Variants in HCRTR2 observed in about 807,000 individuals in gnomAD.
The protein encoded by HCRTR2 is orexin receptor type 2.
A neutral mutation model predicts 49.0 loss-of-function variants in HCRTR2; 22 were observed. The observed-to-expected ratio is 0.45, with a 90% CI of 0.32 to 0.64. The LOEUF (loss-of-function observed/expected upper bound fraction) is 0.64, where lower values mean the gene tolerates loss of function less well. Among genes scored for constraint, HCRTR2 ranks in the 30% least tolerant of loss-of-function variants. HCRTR2 has a pLI of 0.04. For missense variants in HCRTR2, 491 were observed against 559.4 expected (o/e 0.88, Z 1.23); for synonymous variants, 236 against 205.3 (o/e 1.15, Z -1.28).
intron 1 of HCRTR2, among the ~76,000 whole-genome samples, chr6:55,112,606 A>G (rs1417690418): frequency 3.7e-4 from 56 of 151,724 alleles, no homozygotes; most frequent in Admixed American, 3.6e-3. Flanking sequence ...AAATACTTCT[A>G]CAAGGAAAAC....
At chr6:55,213,909 G>GT (rs1349722000) in intron 1 of HCRTR2, among the ~76,000 whole-genome samples, 2 of 151,178 alleles carry the variant, frequency 1.3e-5, no homozygotes, top group African/African-American at 2.4e-5. Flanking sequence ...AACTCTCAAG[G>GT]TTTTTTTCCT....
intron 1 of HCRTR2, among the ~76,000 whole-genome samples, chr6:55,197,191 C>T (rs1288941070): frequency 2.0e-5 from 3 of 152,144 alleles, no homozygotes; most frequent in Non-Finnish European, 4.4e-5. Context: ...AAGCCTAACT[C>T]TAATCCTATC....
At chr6:55,127,758 T>C (rs1053089867) in intron 1 of HCRTR2, among the ~76,000 whole-genome samples, 3 of 152,160 alleles carry the variant, frequency 2.0e-5, no homozygotes, top group Non-Finnish European at 2.9e-5. Flanking sequence ...TTTCAAGGCA[T>C]GTCATATGCT....
At chr6:55,123,061 A>G (rs4560650) in intron 1 of HCRTR2, among the ~76,000 whole-genome samples, 37,044 of 151,444 alleles carry the variant, frequency 0.24, 4,957 homozygotes, top group African/African-American at 0.33. Context: ...ACACATATGT[A>G]CATATGTAAC....
At chr6:55,164,919 T>C (rs1159171026) in intron 1 of HCRTR2, among the ~76,000 whole-genome samples, 1 of 152,078 alleles carries the variant, frequency 6.6e-6, no homozygotes, top group Non-Finnish European at 1.5e-5. Flanking sequence ...AAATTCAAGA[T>C]GACATGGCAA....
At chr6:55,143,075 A>G (rs1764531432) in intron 1 of HCRTR2, among the ~76,000 whole-genome samples, 1 of 128,178 alleles carries the variant, frequency 7.8e-6, no homozygotes, top group South Asian at 2.6e-4. Flanking sequence ...CTATTTCTAG[A>G]TAATCATAAG....
At chr6:55,217,805 C>T (rs751540487) in intron 1 of HCRTR2, among the ~76,000 whole-genome samples, 1 of 152,120 alleles carries the variant, frequency 6.6e-6, no homozygotes, top group Non-Finnish European at 1.5e-5. Context: ...TTTGCCTGCT[C>T]CTCCAAACCC....
intron 4 of HCRTR2, among the ~76,000 whole-genome samples, chr6:55,275,969 G>GAAGA (rs1293631982): frequency 2.4e-5 from 1 of 41,544 alleles, no homozygotes; most frequent in African/African-American, 1.2e-4. Flanking sequence ...AGATCATTTA[G>GAAGA]AAGACAGTTC....
rs777624448 is a variant in HCRTR2 at position 55,141,577 on chromosome 6, T to C, written c.-377-32634T>C. Reference sequence around the variant, plus strand: ...TTTAAAGAACATTACTTTTGTAAAATATTATTTCTAGAGAAGAGCTTATAA... The same window carrying C: ...TTTAAAGAACATTACTTTTGTAAAACATTATTTCTAGAGAAGAGCTTATAA... On this transcript the variant is annotated intron_variant, in intron 1 of 7. Coordinates refer to the HCRTR2 transcript ENST00000615358. 9.1e-4 allele frequency among the ~76,000 whole-genome samples: 139 copies of C among 152,324 alleles called. 1 individual carries two copies. Among genetic ancestry groups the C allele is most frequent in the Non-Finnish European group, 1.6e-3 (109 of 68,022 alleles).
chr6:55,249,485 T>A (rs1030748068), intron 2 of HCRTR2, among the ~76,000 whole-genome samples: 3 of 152,154 alleles, frequency 2.0e-5, no homozygotes, highest in African/African-American at 7.2e-5. Context: ...GAGATCTACC[T>A]CATATGGTTG....
At chr6:55,145,653 G>C (rs142959007) in intron 1 of HCRTR2, among the ~76,000 whole-genome samples, 2,096 of 152,020 alleles carry the variant, frequency 0.014, 51 homozygotes, top group African/African-American at 0.047. Flanking sequence ...CTGACCTCGT[G>C]ATCTGCCCGC....
chr6:55,223,505 G>A (rs1765938699), intron 1 of HCRTR2, among the ~76,000 whole-genome samples: 2 of 152,198 alleles, frequency 1.3e-5, no homozygotes, highest in Admixed American at 1.3e-4. Context: ...TTAGCATTTA[G>A]GAACAAACTA....
intron 1 of HCRTR2, among the ~76,000 whole-genome samples, chr6:55,225,278 C>T (rs766599030): frequency 5.3e-5 from 8 of 151,982 alleles, no homozygotes; most frequent in Admixed American, 1.3e-4. Flanking sequence ...ATACAAATAC[C>T]CAACTAGAAA....
intron 1 of HCRTR2, among the ~76,000 whole-genome samples, chr6:55,198,118 G>C (rs1386884503): frequency 2.6e-5 from 4 of 151,940 alleles, no homozygotes; most frequent in Non-Finnish European, 5.9e-5. Flanking sequence ...TAACCTTCAC[G>C]AAACTACATG....
At chr6:55,118,040 C>T (rs948580037) in intron 1 of HCRTR2, among the ~76,000 whole-genome samples, 5 of 151,700 alleles carry the variant, frequency 3.3e-5, no homozygotes, top group African/African-American at 4.8e-5. Context: ...TTTCCTGATC[C>T]TGTCCCTCCT....
At chr6:55,123,775 A>T (rs2127239811) in intron 1 of HCRTR2, among the ~76,000 whole-genome samples, 1 of 152,284 alleles carries the variant, frequency 6.6e-6, no homozygotes, top group South Asian at 2.1e-4. Context: ...TTTGGTTGAC[A>T]GGATATTAAT....
At chr6:55,252,704 C>T (rs1236619396) in intron 2 of HCRTR2, among the ~76,000 whole-genome samples, 1 of 151,960 alleles carries the variant, frequency 6.6e-6, no homozygotes. Flanking sequence ...TCATAGAGTC[C>T]AGCCCCTTAA....
chr6:55,199,843 G>T (rs1042270689), intron 1 of HCRTR2, among the ~76,000 whole-genome samples: 15 of 152,138 alleles, frequency 9.9e-5, no homozygotes, highest in African/African-American at 3.4e-4. Flanking sequence ...ATATATAAGG[G>T]AAGGATTTAA....
rs559418696 is a variant in HCRTR2 at position 55,155,841 on chromosome 6, G to C, written c.-377-18370G>C. On this transcript the variant is annotated intron_variant, in intron 1 of 7. Transcript: ENST00000615358. ...TTTGAAGAATATATGAACAAAGTTT[G>C]ATTCATCTTATCTATATAAGCATGA... 2.0e-5 allele frequency among the ~76,000 whole-genome samples: 3 copies of C among 152,072 alleles called. No homozygotes were observed. In the South Asian group the frequency reaches 6.2e-4, roughly 31 times the overall value.
Sources: allele counts gnomAD v4.1 joint callset (sites outside exome capture counted in the v4.1 genomes callset), GRCh38; gene constraint gnomAD v4.1.1; transcripts MANE v1.5; gene names NCBI Gene and HGNC (gene_info 2026-07-23, HGNC 2026-07-21).